Variants in PTPRD observed in about 807,000 individuals in gnomAD.
PTPRD encodes protein tyrosine phosphatase receptor type D, also known as receptor-type tyrosine-protein phosphatase delta.
A neutral mutation model predicts 214.5 loss-of-function variants in PTPRD; 34 were observed. The observed-to-expected ratio is 0.16, with a 90% CI of 0.12 to 0.21. The LOEUF (loss-of-function observed/expected upper bound fraction) is 0.21, where lower values mean the gene tolerates loss of function less well. Among genes scored for constraint, PTPRD ranks in the 10% least tolerant of loss-of-function variants. The pLI is 1.00. For synonymous variants in PTPRD, 1,128 were observed against 845.7 expected, an observed-to-expected ratio of 1.33 and a Z score of -5.79; for missense variants, 2,545 against 2,398.7, an observed-to-expected ratio of 1.06 and a Z score of -1.27.
intron 7 of PTPRD, among the ~76,000 whole-genome samples, chr9:9,700,787 C>T (rs1170054198): frequency 6.6e-6 from 1 of 151,990 alleles, no homozygotes; most frequent in Non-Finnish European, 1.5e-5. Flanking sequence ...CTATTTTCAT[C>T]TCCATAAAAA....
chr9:9,889,596 A>C (rs1358920041), intron 5 of PTPRD, among the ~76,000 whole-genome samples: 1 of 152,092 alleles, frequency 6.6e-6, no homozygotes, highest in Admixed American at 6.6e-5. Flanking sequence ...TAATTGATTT[A>C]CTGCCTCTCA....
At chr9:8,632,434 G>A (rs1259921312) in intron 14 of PTPRD, among the ~76,000 whole-genome samples, 1 of 151,724 alleles carries the variant, frequency 6.6e-6, no homozygotes, top group Admixed American at 6.6e-5. Flanking sequence ...TTTCATGTTA[G>A]GAAAGTCTAT....
Position 8,777,609 on chromosome 9 carries a change from T to C in PTPRD, c.-103-43663A>G, listed in dbSNP as rs112796674. 2.5e-3 allele frequency among the ~76,000 whole-genome samples: 383 copies of C among 152,330 alleles called. 1 individual carries two copies. Among genetic ancestry groups the C allele is most frequent in the African/African-American group, 8.1e-3 (336 of 41,580 alleles). ...TGTGTATCCCATTTTGAGTGAGTCA[T>C]ACATTAATTTTTGTAAGTCAGTCCA... On this transcript the variant is annotated intron_variant, in intron 11 of 45. Coordinates refer to ENST00000381196, the MANE Select transcript of PTPRD (RefSeq NM_002839.4).
intron 5 of PTPRD, among the ~76,000 whole-genome samples, chr9:9,833,689 G>GGA (rs1565616343): frequency 6.8e-6 from 1 of 146,364 alleles, no homozygotes; most frequent in African/African-American, 2.6e-5. Context: ...GGAGAGGGGG[G>GGA]CAGTTCAGAG....
chr9:9,463,992 C>T (rs562090555), intron 8 of PTPRD, among the ~76,000 whole-genome samples: 72 of 152,312 alleles, frequency 4.7e-4, no homozygotes, highest in Non-Finnish European at 6.2e-4. Flanking sequence ...TGTTAACTAA[C>T]TCCTCTTTCT....
chr9:10,062,105 TTCAATTTAC>T (rs1245860408), intron 3 of PTPRD, among the ~76,000 whole-genome samples: 5 of 152,090 alleles, frequency 3.3e-5, no homozygotes, highest in Non-Finnish European at 7.4e-5. Flanking sequence ...ACAATCGTAT[TTCAATTTAC>T]TCAACTCACT....
Position 10,290,469 on chromosome 9 carries a change from T to C in PTPRD, c.-545+50494A>G, listed in dbSNP as rs1432696980. ...ATTATGGTACTACATGAGAAAGCTGTAGTTGTATCACAGTGCAGCTTAATT... is the reference window on the plus strand; with the variant it reads ...ATTATGGTACTACATGAGAAAGCTGCAGTTGTATCACAGTGCAGCTTAATT... On this transcript the variant is annotated intron_variant, in intron 3 of 45. Coordinates refer to ENST00000381196, the MANE Select transcript of PTPRD (RefSeq NM_002839.4). 3.3e-5 allele frequency among the ~76,000 whole-genome samples: 5 copies of C among 152,154 alleles called. No individual in the cohort carries two copies. The East Asian group carries it at 7.7e-4, about 23-fold the overall frequency.
At chr9:9,130,688 A>G (rs1008913188) in intron 10 of PTPRD, among the ~76,000 whole-genome samples, 5 of 152,170 alleles carry the variant, frequency 3.3e-5, no homozygotes, top group African/African-American at 1.2e-4. Flanking sequence ...TTTGGTTCCT[A>G]CTGACCTTCC....
At chr9:9,915,441 A>C (rs1192186131) in intron 5 of PTPRD, among the ~76,000 whole-genome samples, 1 of 152,052 alleles carries the variant, frequency 6.6e-6, no homozygotes, top group Non-Finnish European at 1.5e-5. Flanking sequence ...ATCTTAAGGA[A>C]ACTGTGAGAT....
At chr9:9,398,734 T>C (rs2068910063) in intron 8 of PTPRD, among the ~76,000 whole-genome samples, 1 of 151,984 alleles carries the variant, frequency 6.6e-6, no homozygotes, top group East Asian at 1.9e-4. Flanking sequence ...AAAACATGTT[T>C]TTTCCCCCCA....
intron 7 of PTPRD, among the ~76,000 whole-genome samples, chr9:9,704,983 G>A (rs948896610): frequency 1.3e-5 from 2 of 152,074 alleles, no homozygotes; most frequent in African/African-American, 4.8e-5. Flanking sequence ...CTAAATTTTG[G>A]GGTAGTTTGT....
intron 9 of PTPRD, among the ~76,000 whole-genome samples, chr9:9,322,643 C>T (rs915406687): frequency 1.3e-5 from 2 of 152,134 alleles, no homozygotes; most frequent in African/African-American, 4.8e-5. Flanking sequence ...GATCACTGCC[C>T]TGTTTTATTA....
chr9:9,250,923 T>C (rs1361301360), intron 9 of PTPRD, among the ~76,000 whole-genome samples: 2 of 152,054 alleles, frequency 1.3e-5, no homozygotes, highest in African/African-American at 4.8e-5. Context: ...TAGATGCAAA[T>C]TCAGCAAGGG....
rs535800693 is a variant in PTPRD, at chr9:10,447,927, T to C, written c.-599-106910A>G. ...AAGCACAACCTATGTGCTGAGAATA[T>C]TGAGAATAATCATACTGTCTAACAG... On this transcript the variant is annotated intron_variant, in intron 2 of 45. Transcript: ENST00000381196. 2.6e-4 allele frequency among the ~76,000 whole-genome samples: 39 copies of C among 152,182 alleles called. 1 individual carries two copies. In the South Asian group the frequency reaches 7.0e-3, roughly 27 times the overall value.
At chr9:10,138,200 G>C (rs776501033) in intron 3 of PTPRD, among the ~76,000 whole-genome samples, 1 of 151,968 alleles carries the variant, frequency 6.6e-6, no homozygotes, top group Non-Finnish European at 1.5e-5. Flanking sequence ...AAAAGACAAA[G>C]ATGACATTAC....
Position 9,813,453 on chromosome 9 carries a change from T to C in PTPRD, c.-367-46602A>G, listed in dbSNP as rs540564839. ...ATGAAAGAGAAGATCTAAGAACTTA[T>C]GCCATAGTAATACAAAAGATTATAG... On this transcript the variant is annotated intron_variant, in intron 5 of 45. Coordinates refer to ENST00000381196, the MANE Select transcript of PTPRD (RefSeq NM_002839.4). Among the ~76,000 whole-genome samples the C allele has an allele frequency of 2.6e-5, 4 of 152,080 alleles. No individual in the cohort carries two copies. The South Asian group carries it at 8.3e-4, about 32-fold the overall frequency.
At chr9:10,486,299 T>A (rs988829816) in intron 2 of PTPRD, among the ~76,000 whole-genome samples, 1 of 152,108 alleles carries the variant, frequency 6.6e-6, no homozygotes, top group African/African-American at 2.4e-5. Flanking sequence ...TATTCTAGGG[T>A]TTTTATGGTT....
intron 14 of PTPRD, among the ~76,000 whole-genome samples, chr9:8,553,552 G>A (rs1234974845): frequency 1.3e-5 from 2 of 152,104 alleles, no homozygotes; most frequent in Non-Finnish European, 2.9e-5. Flanking sequence ...TCTACCAGGA[G>A]ATAGTAATAA....
chr9:8,671,401 T>C lies in PTPRD; in HGVS notation c.65-34557A>G, dbSNP rs997046102. Among the ~76,000 whole-genome samples, 2 of 152,116 alleles carry C rather than the reference T, an allele frequency of 1.3e-5. 1 individual carries two copies. Among genetic ancestry groups the C allele is most frequent in the South Asian group, 4.1e-4 (2 of 4,822 alleles). On this transcript the variant is annotated intron_variant, in intron 12 of 45. Coordinates refer to ENST00000381196, the MANE Select transcript of PTPRD (RefSeq NM_002839.4). ...TAACAATGGTAGGAAATATGTATCATGTAAATTAAAAGAAGCAAAAGGGAA... is the reference window on the plus strand; with the variant it reads ...TAACAATGGTAGGAAATATGTATCACGTAAATTAAAAGAAGCAAAAGGGAA...
Sources: allele counts gnomAD v4.1 joint callset (sites outside exome capture counted in the v4.1 genomes callset), GRCh38; gene constraint gnomAD v4.1.1; transcripts MANE v1.5; gene names NCBI Gene and HGNC (gene_info 2026-07-23, HGNC 2026-07-21).